Variants in TBC1D19 observed in about 807,000 individuals in gnomAD.
TBC1D19 encodes the protein TBC1 domain family member 19.
Under a neutral mutation model 89.0 loss-of-function variants are expected in TBC1D19, and 60 were observed. That is an observed-to-expected ratio of 0.67 (90% CI 0.55 to 0.84). The LOEUF (loss-of-function observed/expected upper bound fraction) is 0.84. TBC1D19 is among the 40% of genes least tolerant of loss of function. TBC1D19 has a pLI of 0.00. For synonymous variants in TBC1D19, 189 were observed against 199.7 expected (o/e 0.95, Z 0.45); for missense variants, 500 against 610.8 (o/e 0.82, Z 1.91).
chr4:26,857,879 C>T, the TBC1D19 span: 11 of 152,466 alleles, frequency 7.2e-5, no homozygotes, highest in East Asian at 2.1e-3. Context: ...CCTGCTGTGC[C>T]TCTGTGCAGG....
chr4:26,794,207 A>G, the TBC1D19 span, among the ~76,000 whole-genome samples: 1 of 152,230 alleles, frequency 6.6e-6, no homozygotes, highest in East Asian at 1.9e-4. Flanking sequence ...TATTTTAGCC[A>G]AGAATTGCTG....
the TBC1D19 span, among the ~76,000 whole-genome samples, chr4:26,819,125 C>T: frequency 6.6e-6 from 1 of 152,168 alleles, no homozygotes; most frequent in South Asian, 2.1e-4. Flanking sequence ...AAAAGAAATC[C>T]CCAGCGACTA....
chr4:26,842,592 C>CTT, the TBC1D19 span, among the ~76,000 whole-genome samples: 16 of 99,280 alleles, frequency 1.6e-4, 1 homozygote, highest in Non-Finnish European at 6.0e-5. Flanking sequence ...CCCTTTCTTT[C>CTT]TTTCTTTCTT....
intron 16 of TBC1D19, among the ~76,000 whole-genome samples, chr4:26,737,168 C>G (rs1186331110): frequency 1.3e-5 from 2 of 152,042 alleles, no homozygotes; most frequent in Non-Finnish European, 2.9e-5. Context: ...GTCAAAGTAC[C>G]TAGGGACTTT....
chr4:26,623,425 T>G (rs1464736687), intron 4 of TBC1D19, among the ~76,000 whole-genome samples: 1 of 152,220 alleles, frequency 6.6e-6, no homozygotes, highest in African/African-American at 2.4e-5. Context: ...TTTTTCATGC[T>G]TGTGTGGCCC....
At chr4:26,613,376 C>A in intron 2 of TBC1D19, 135 bp downstream of exon 2, 1 of 552,852 alleles carries the variant, frequency 1.8e-6, no homozygotes, top group Non-Finnish European at 3.1e-6. Context: ...AGGCTTTTAG[C>A]AGCCTGAAGC....
the TBC1D19 span, among the ~76,000 whole-genome samples, chr4:26,798,050 T>G: frequency 6.6e-6 from 1 of 152,134 alleles, no homozygotes; most frequent in Admixed American, 6.6e-5. Context: ...CAAATGGGAC[T>G]TAATTGAACT....
At chr4:26,819,554 A>C in the TBC1D19 span, among the ~76,000 whole-genome samples, 1 of 152,230 alleles carries the variant, frequency 6.6e-6, no homozygotes, top group African/African-American at 2.4e-5. Flanking sequence ...TGATGGCAAC[A>C]GCCACAGTCA....
At chr4:26,797,489 A>G in the TBC1D19 span, among the ~76,000 whole-genome samples, 2 of 152,242 alleles carry the variant, frequency 1.3e-5, no homozygotes, top group African/African-American at 2.4e-5. Flanking sequence ...TACAGATTCA[A>G]TGCGATCCCT....
intron 9 of TBC1D19, among the ~76,000 whole-genome samples, chr4:26,667,631 A>G (rs1355947816): frequency 1.3e-5 from 2 of 152,090 alleles, no homozygotes; most frequent in Non-Finnish European, 2.9e-5. Context: ...GTTTGAGGAT[A>G]GTACAGATAA....
chr4:26,604,211 T>A (rs1318665217), intron 1 of TBC1D19, among the ~76,000 whole-genome samples: 1 of 147,334 alleles, frequency 6.8e-6, no homozygotes, highest in East Asian at 2.0e-4. Flanking sequence ...TGGAGTGCAG[T>A]GGCGCGGTCT....
At position 26,602,487 on chromosome 4, in the gene TBC1D19, G is replaced by A. The variant is rs530353150; in HGVS notation, c.100-10682G>A. Among the ~76,000 whole-genome samples the A allele has an allele frequency of 1.8e-3, 255 of 138,688 alleles. 1 individual carries two copies. Among genetic ancestry groups the A allele is most frequent in the African/African-American group, 6.4e-3 (242 of 37,710 alleles). The allele number at this position is 138,688 out of a possible 152,430, so 91.0% of individuals were successfully genotyped here. A position where few individuals can be genotyped will look rare whatever the true frequency, so the allele number is the denominator to read the frequency against. On this transcript the variant is annotated intron_variant, in intron 1 of 20. Transcript: ENST00000264866. ...GACGGAGACTTGCTCTGTCACCCAGGCTGGAGTGCAGTGGCACGATCTCAG... is the reference window on the plus strand; with the variant it reads ...GACGGAGACTTGCTCTGTCACCCAGACTGGAGTGCAGTGGCACGATCTCAG...
intron 14 of TBC1D19, among the ~76,000 whole-genome samples, chr4:26,719,616 A>G (rs1716851320): frequency 6.6e-6 from 1 of 152,100 alleles, no homozygotes; most frequent in Non-Finnish European, 1.5e-5. Flanking sequence ...CCATTCTGAA[A>G]TCATGTGAAC....
At chr4:26,797,732 A>G in the TBC1D19 span, among the ~76,000 whole-genome samples, 1 of 152,220 alleles carries the variant, frequency 6.6e-6, no homozygotes, top group Non-Finnish European at 1.5e-5. Context: ...GAACCCAGAA[A>G]TAAAGCCACA....
At chr4:26,624,490 G>A (rs112271595) in intron 4 of TBC1D19, among the ~76,000 whole-genome samples, 3,242 of 152,054 alleles carry the variant, frequency 0.021, 111 homozygotes, top group African/African-American at 0.073. Flanking sequence ...GATTACAGGC[G>A]TGAGCCACTA....
At chr4:26,782,717 G>A in the TBC1D19 span, among the ~76,000 whole-genome samples, 1 of 151,716 alleles carries the variant, frequency 6.6e-6, no homozygotes, top group African/African-American at 2.4e-5. Flanking sequence ...AGAAAAGGAT[G>A]TATGGATTAA....
chr4:26,741,362 CAAAAAAA>C (rs34342483), intron 17 of TBC1D19, among the ~76,000 whole-genome samples: 8 of 73,678 alleles, frequency 1.1e-4, no homozygotes, highest in African/African-American at 3.7e-4. Flanking sequence ...GACTCTGTCT[CAAAAAAA>C]AAAAAAAAAA....
At chr4:26,603,327 A>G (rs1466632143) in intron 1 of TBC1D19, among the ~76,000 whole-genome samples, 1 of 152,324 alleles carries the variant, frequency 6.6e-6, no homozygotes, top group Non-Finnish European at 1.5e-5. Flanking sequence ...TCAGTGTATA[A>G]TGTTACAAAA....
the TBC1D19 span, among the ~76,000 whole-genome samples, chr4:26,780,224 T>C: frequency 1.3e-5 from 2 of 152,234 alleles, no homozygotes; most frequent in Non-Finnish European, 2.9e-5. Context: ...TTAAAATCTG[T>C]TTCTAAATTA....
Sources: gnomAD v4.1 joint callset for allele counts (sites outside exome capture counted in the v4.1 genomes callset) on GRCh38, gnomAD v4.1.1 for gene constraint, MANE v1.5 for transcripts, NCBI Gene and HGNC (gene_info 2026-07-23, HGNC 2026-07-21) for gene names.